The following MYLK3 variants were observed in gnomAD, a reference collection of about 807,000 sequenced individuals.
MYLK3 encodes MLC kinase.
Under a neutral mutation model 76.3 loss-of-function variants are expected in MYLK3, and 55 were observed. The ratio of observed to expected loss-of-function variants is 0.72; its 90% CI spans 0.58 to 0.90. The LOEUF (loss-of-function observed/expected upper bound fraction) is 0.90, where lower values mean the gene tolerates loss of function less well. Ranked by LOEUF, MYLK3 falls within the 40% of genes least tolerant of loss-of-function variation. The probability of loss-of-function intolerance (pLI) is 0.00; values close to 1 mark genes in which losing one functional copy is unlikely to be tolerated. For missense variants in MYLK3, 973 were observed against 1,053.6 expected (o/e 0.92, Z 1.06); for synonymous variants, 416 against 425.4 (o/e 0.98, Z 0.27).
At chr16:46,716,556 C>A (rs948684524) in intron 9 of MYLK3, among the ~76,000 whole-genome samples, 3 of 150,264 alleles carry the variant, frequency 2.0e-5, no homozygotes, top group African/African-American at 7.4e-5. Flanking sequence ...TGGCTTCTAA[C>A]TTGCATAGTC....
intron 8 of MYLK3, among the ~76,000 whole-genome samples, chr16:46,722,585 C>T (rs1389613645): frequency 6.6e-6 from 1 of 151,958 alleles, no homozygotes; most frequent in Non-Finnish European, 1.5e-5. Context: ...ATGTGAGCCA[C>T]ATATATAGTA....
At chr16:46,763,060 C>A in exon 1 of MYLK3, 1 of 985,446 alleles carries the variant, frequency 1.0e-6, no homozygotes, top group Non-Finnish European at 1.2e-6. Context: ...CCATGGGTCC[C>A]AAGGGATCTG....
At chr16:46,732,146 G>T in intron 4 of MYLK3, 62 bp downstream of exon 4, 1 of 1,399,882 alleles carries the variant, frequency 7.1e-7, no homozygotes. Context: ...CTCCCCAGGA[G>T]TAGGGGCTCC....
In MYLK3 at chr16:46,747,934, T is replaced by G. The variant is rs2143017208; in HGVS notation, c.260A>C (p.Gln87Pro). 6.2e-7 allele frequency: 1 copy of G among 1,613,546 alleles called. No homozygotes were observed. Among genetic ancestry groups the G allele is most frequent in the Non-Finnish European group, 8.5e-7 (1 of 1,179,866 alleles). ...CTCCAGGACCTCGGGCCACCCAGCC[T>G]GGGTGTCAATGTGGGGAACCCCATC... ...GADGVPHIDT[Q>P]AGWPEVLELV... The change falls in exon 1 of 13, where the codon CAG (glutamine) becomes CCG (proline). Residue 87 changes from glutamine to proline, a missense_variant. This residue lies in a region of MYLK3 where 641 missense variants were observed against 637.0 expected (regional missense o/e 1.01). Transcript: ENST00000394809.
intron 1 of MYLK3, among the ~76,000 whole-genome samples, chr16:46,745,943 G>A (rs1428765919): frequency 6.6e-6 from 1 of 152,122 alleles, no homozygotes; most frequent in Non-Finnish European, 1.5e-5. Flanking sequence ...TCTGGGGCCT[G>A]GGGGATGGAA....
intron 2 of MYLK3, among the ~76,000 whole-genome samples, chr16:46,738,931 C>G (rs1263432405): frequency 6.6e-6 from 1 of 152,154 alleles, no homozygotes; most frequent in Non-Finnish European, 1.5e-5. Context: ...ACCTCCACCT[C>G]CCTGGTCCAA....
intron 1 of MYLK3, among the ~76,000 whole-genome samples, chr16:46,761,590 G>A (rs1967276447): frequency 6.6e-6 from 1 of 152,198 alleles, no homozygotes; most frequent in Non-Finnish European, 1.5e-5. Context: ...GCTGAGGCAG[G>A]TGGATCACCT....
intron 9 of MYLK3, among the ~76,000 whole-genome samples, chr16:46,720,890 T>C (rs1966792388): frequency 6.6e-6 from 1 of 152,102 alleles, no homozygotes; most frequent in African/African-American, 2.4e-5. Context: ...TGGAGTGAAG[T>C]TCAGTTAATT....
At chr16:46,743,107 C>A (rs775197417) in intron 1 of MYLK3, among the ~76,000 whole-genome samples, 4 of 152,216 alleles carry the variant, frequency 2.6e-5, no homozygotes, top group African/African-American at 9.7e-5. Context: ...CTTCCTCACA[C>A]ACCATTCTAG....
At chr16:46,758,222 T>C (rs914542404) in intron 1 of MYLK3, among the ~76,000 whole-genome samples, 7 of 145,080 alleles carry the variant, frequency 4.8e-5, no homozygotes, top group Admixed American at 3.4e-4. Flanking sequence ...GACCAAGCTA[T>C]ACACACACAC....
intron 1 of MYLK3, among the ~76,000 whole-genome samples, chr16:46,742,070 G>A (rs1966940388): frequency 1.3e-5 from 2 of 152,022 alleles, no homozygotes; most frequent in Non-Finnish European, 2.9e-5. Flanking sequence ...TGACAGAATT[G>A]TTTCCCATTT....
Position 46,747,743 on chromosome 16 carries a change from C to G in MYLK3, c.451G>C (p.Gly151Arg). Residue 151 changes from glycine to arginine, a missense_variant, in exon 1 of 13, where the codon GGC (glycine) becomes CGC (arginine). Physicochemically the swap from Gly to Arg is moderately radical, Grantham distance 125. Transcript: ENST00000394809. Reference sequence around the variant, plus strand: ...TCCTCAGGGCTGTCACCTGGGCTGCCTCTCCTCCAGGGCACACGCCCCTGC... The same window carrying G: ...TCCTCAGGGCTGTCACCTGGGCTGCGTCTCCTCCAGGGCACACGCCCCTGC... ...LMQGRVPWRR[G>R]SPGDSPEENK... 3.1e-6 allele frequency: 5 copies of G among 1,614,014 alleles called. No individual in the cohort carries two copies. The highest frequency in any genetic ancestry group is 4.2e-6 in the Non-Finnish European group (5 of 1,179,998).
chr16:46,721,011 C>T, intron 9 of MYLK3, 112 bp downstream of exon 9: 1 of 939,014 alleles, frequency 1.1e-6, no homozygotes. Context: ...CAAGAGCTTT[C>T]TTGCATCAGT....
At chr16:46,742,445 AAAACACAC>A (rs1168894047) in intron 1 of MYLK3, among the ~76,000 whole-genome samples, 93 of 130,262 alleles carry the variant, frequency 7.1e-4, no homozygotes, top group East Asian at 1.7e-3. Context: ...AATCCCAGCA[AAAACACAC>A]ACACACACAC....
chr16:46,759,031 G>A (rs1398103360), intron 1 of MYLK3, among the ~76,000 whole-genome samples: 1 of 152,246 alleles, frequency 6.6e-6, no homozygotes, highest in African/African-American at 2.4e-5. Flanking sequence ...AGCTGAGCTT[G>A]GGAGTAAAAC....
intron 1 of MYLK3, among the ~76,000 whole-genome samples, chr16:46,753,964 G>C (rs140402770): frequency 1.3e-4 from 20 of 152,254 alleles, no homozygotes; most frequent in African/African-American, 4.3e-4. Context: ...AGCGTGAAAG[G>C]CTATTCCATT....
chr16:46,742,359 C>A lies in MYLK3; in HGVS notation c.478-2212G>T, dbSNP rs1042793208. On this transcript the variant is annotated intron_variant, in intron 1 of 12. Coordinates refer to ENST00000394809, the MANE Select transcript of MYLK3 (RefSeq NM_182493.3). ...ATCACATGAGGTCAGGAGTTCAAGA[C>A]CAGCCTGGCCAACAGGGTGAAACCC... Among the ~76,000 whole-genome samples the A allele has an allele frequency of 3.3e-5, 5 of 151,674 alleles. No homozygotes were observed. The East Asian group carries it at 9.7e-4, about 29-fold the overall frequency.
At chr16:46,757,514 A>C in intron 1 of MYLK3, 1 of 985,412 alleles carries the variant, frequency 1.0e-6, no homozygotes, top group South Asian at 4.7e-5. Context: ...CCCATCCATC[A>C]GCCACTGTGA....
chr16:46,735,909 G>C (rs539957208), intron 3 of MYLK3, among the ~76,000 whole-genome samples: 1 of 152,330 alleles, frequency 6.6e-6, no homozygotes, highest in East Asian at 1.9e-4. Flanking sequence ...ACCCAAAGCT[G>C]TCTACCCGCC....
Sources: allele counts gnomAD v4.1 joint callset (sites outside exome capture counted in the v4.1 genomes callset), GRCh38; gene constraint gnomAD v4.1.1; regional missense constraint gnomAD v4.1.1; transcripts MANE v1.5; gene names NCBI Gene and HGNC (gene_info 2026-07-23, HGNC 2026-07-21).